EPM2A: variants seen among roughly 807,000 people sequenced by gnomAD.
EPM2A encodes laforin.
EPM2A carries 21 observed loss-of-function variants against 26.5 expected under a neutral mutation model. The observed-to-expected ratio is 0.79, with a 90% confidence interval of 0.56 to 1.14. EPM2A has a LOEUF of 1.14. EPM2A is among the 50% of genes most tolerant of loss of function. EPM2A has a pLI of 0.00. For missense variants in EPM2A, 458 were observed against 440.8 expected (o/e 1.04, Z -0.35); for synonymous variants, 217 against 177.6 (o/e 1.22, Z -1.76).
chr6:145,395,381 T>G (rs1290970561), intron 4 of EPM2A, among the ~76,000 whole-genome samples: 2 of 152,142 alleles, frequency 1.3e-5, no homozygotes, highest in Non-Finnish European at 1.5e-5. Flanking sequence ...GAAAATGCCT[T>G]GGGAATCCTA....
intron 2 of EPM2A, among the ~76,000 whole-genome samples, chr6:145,569,745 A>T (rs1780930600): frequency 6.6e-6 from 1 of 152,216 alleles, no homozygotes; most frequent in African/African-American, 2.4e-5. Context: ...AGATATTATT[A>T]TCCTCATATT....
chr6:145,436,669 T>C (rs1365666035), intron 4 of EPM2A, among the ~76,000 whole-genome samples: 3 of 152,166 alleles, frequency 2.0e-5, no homozygotes, highest in Admixed American at 6.5e-5. Flanking sequence ...AAATGAATTA[T>C]CCATTTTTAA....
At chr6:145,524,515 C>A (rs906302970) in intron 2 of EPM2A, among the ~76,000 whole-genome samples, 2 of 152,096 alleles carry the variant, frequency 1.3e-5, no homozygotes, top group African/African-American at 2.4e-5. Context: ...ATTTGCATTT[C>A]TCTTATTATT....
chr6:145,389,033 G>T (rs2114655598), intron 4 of EPM2A, among the ~76,000 whole-genome samples: 1 of 152,160 alleles, frequency 6.6e-6, no homozygotes, highest in Admixed American at 6.5e-5. Flanking sequence ...TCAGTAATGA[G>T]ATTGCTGGGT....
chr6:145,510,717 A>G (rs989534221), intron 2 of EPM2A, among the ~76,000 whole-genome samples: 3 of 152,252 alleles, frequency 2.0e-5, no homozygotes, highest in African/African-American at 4.8e-5. Flanking sequence ...AAATAAAACC[A>G]AAAAGACTAA....
intron 2 of EPM2A, among the ~76,000 whole-genome samples, chr6:145,673,114 A>C (rs1779766600): frequency 6.6e-6 from 1 of 152,162 alleles, no homozygotes; most frequent in South Asian, 2.1e-4. Flanking sequence ...CAGGGAAAGA[A>C]ATTTGTTTTT....
intron 4 of EPM2A, among the ~76,000 whole-genome samples, chr6:145,410,359 C>A (rs552248525): frequency 6.6e-6 from 1 of 152,144 alleles, no homozygotes; most frequent in African/African-American, 2.4e-5. Flanking sequence ...AAGAATAATC[C>A]TAAAGAAGAC....
intron 3 of EPM2A, chr6:145,629,200 C>T: frequency 6.6e-6 from 1 of 152,612 alleles, no homozygotes; most frequent in Non-Finnish European, 1.5e-5. Flanking sequence ...GTTCCTTGAG[C>T]TCCATCCTTC....
At chr6:145,508,008 C>T (rs557271495) in intron 2 of EPM2A, among the ~76,000 whole-genome samples, 6 of 152,286 alleles carry the variant, frequency 3.9e-5, no homozygotes, top group South Asian at 2.1e-4. Context: ...ACCCCCAGTA[C>T]TAAGTGGCCC....
chr6:145,655,770 G>A (rs758667485), intron 2 of EPM2A, among the ~76,000 whole-genome samples: 1 of 151,992 alleles, frequency 6.6e-6, no homozygotes, highest in African/African-American at 2.4e-5. Context: ...GATATACTAG[G>A]CGGAAAAAAA....
intron 2 of EPM2A, among the ~76,000 whole-genome samples, chr6:145,617,658 G>C (rs1345966967): frequency 6.6e-6 from 1 of 152,116 alleles, no homozygotes; most frequent in African/African-American, 2.4e-5. Context: ...ATTAGATCTG[G>C]CCTGGTGCTG....
chr6:145,418,029 C>A (rs1778732669), intron 4 of EPM2A, among the ~76,000 whole-genome samples: 1 of 152,148 alleles, frequency 6.6e-6, no homozygotes, highest in Non-Finnish European at 1.5e-5. Context: ...GATCCTTCAC[C>A]ACCAATTCCA....
intron 1 of EPM2A, among the ~76,000 whole-genome samples, chr6:145,691,160 C>A (rs996158661): frequency 6.6e-6 from 1 of 152,020 alleles, no homozygotes; most frequent in Non-Finnish European, 1.5e-5. Context: ...AGCAGGTGAG[C>A]AAAGTCCAAA....
intron 2 of EPM2A, among the ~76,000 whole-genome samples, chr6:145,576,036 A>G (rs1418119758): frequency 6.6e-6 from 1 of 152,120 alleles, no homozygotes; most frequent in African/African-American, 2.4e-5. Context: ...GAGTTTCACC[A>G]TGTTGGCCAG....
At chr6:145,407,948 T>C (rs1375237381) in intron 4 of EPM2A, among the ~76,000 whole-genome samples, 1 of 152,210 alleles carries the variant, frequency 6.6e-6, no homozygotes, top group Non-Finnish European at 1.5e-5. Flanking sequence ...TAAAGGTCAT[T>C]GACATAAGAT....
chr6:145,589,608 T>C (rs1781241991), intron 2 of EPM2A, among the ~76,000 whole-genome samples: 1 of 152,052 alleles, frequency 6.6e-6, no homozygotes. Flanking sequence ...TAAAAACTAG[T>C]GAAGGGTCTG....
intron 4 of EPM2A, among the ~76,000 whole-genome samples, chr6:145,441,258 A>T (rs1320106305): frequency 6.6e-6 from 1 of 152,178 alleles, no homozygotes; most frequent in African/African-American, 2.4e-5. Context: ...CTTTTTAGTC[A>T]TGGCTACAGC....
intron 2 of EPM2A, among the ~76,000 whole-genome samples, chr6:145,542,644 C>G (rs760206120): frequency 2.6e-5 from 4 of 152,150 alleles, no homozygotes; most frequent in Non-Finnish European, 4.4e-5. Context: ...GCCAGGGACC[C>G]TTGTTAGTCC....
At chr6:145,502,539 A>G (rs1380878672) in exon 3 of EPM2A, 4 of 470,526 alleles carry the variant, frequency 8.5e-6, no homozygotes, top group Non-Finnish European at 1.8e-5. Context: ...CTCTTCCCAC[A>G]TCCCCGAGCA....
Sources: allele counts gnomAD v4.1 joint callset (sites outside exome capture counted in the v4.1 genomes callset), GRCh38; gene constraint gnomAD v4.1.1; transcripts MANE v1.5; gene names NCBI Gene and HGNC (gene_info 2026-07-23, HGNC 2026-07-21).